The following TANGO2 variants were observed in gnomAD, a reference collection of about 807,000 sequenced individuals.
TANGO2 encodes the protein transport and Golgi organization protein 2 homolog.
A neutral mutation model predicts 39.1 loss-of-function variants in TANGO2; 26 were observed. That is an observed-to-expected ratio of 0.67 (90% confidence interval 0.49 to 0.92). The LOEUF (loss-of-function observed/expected upper bound fraction) is 0.92, where lower values mean the gene tolerates loss of function less well. Ranked by LOEUF, TANGO2 falls within the 40% of genes least tolerant of loss-of-function variation. TANGO2 has a pLI of 0.00. For synonymous variants in TANGO2, 131 were observed against 144.5 expected (o/e 0.91, Z 0.67); for missense variants, 326 against 360.1 (o/e 0.91, Z 0.77).
chr22:20,024,317 A>G (rs1417885759), intron 1 of TANGO2, among the ~76,000 whole-genome samples: 1 of 152,230 alleles, frequency 6.6e-6, no homozygotes, highest in Non-Finnish European at 1.5e-5. Context: ...AGTGGACTGG[A>G]GACTCAGAGG....
At position 20,057,450 on chromosome 22, in the gene TANGO2, GCTGGTGCCCTCTCCTCCAC is replaced by G. The variant is rs1274849204; in HGVS notation, c.451+1442_451+1460del. Among the ~76,000 whole-genome samples the G allele has an allele frequency of 6.6e-6, 1 of 152,192 alleles. No homozygotes were observed. The highest frequency in any genetic ancestry group is 1.9e-4 in the East Asian group (1 of 5,202). On this transcript the variant is annotated intron_variant, in intron 6 of 8. Transcript: ENST00000327374. The surrounding 1 kb of genome is among the most constrained non-coding windows in gnomAD (Gnocchi z 4.1). Reference sequence around the variant, plus strand: ...CCACCCACTGCCCCCACGCCTACCAGCTGGTGCCCTCTCCTCCACCTGGGGCTTATCCTTCCGGCCACCC... The same window carrying G: ...CCACCCACTGCCCCCACGCCTACCAGCTGGGGCTTATCCTTCCGGCCACCC...
chr22:20,053,845 C>G (rs1462213344), intron 5 of TANGO2: 2 of 453,536 alleles, frequency 4.4e-6, no homozygotes, highest in African/African-American at 3.9e-5. Flanking sequence ...TGTCCTCCCT[C>G]CCACGGGCAG....
intron 1 of TANGO2, among the ~76,000 whole-genome samples, chr22:20,029,112 G>A (rs972331890): frequency 6.6e-6 from 1 of 152,170 alleles, no homozygotes; most frequent in African/African-American, 2.4e-5. Flanking sequence ...TTTAGACACC[G>A]CATGGAGTGA....
chr22:20,045,188 C>T (rs1272709090), intron 3 of TANGO2, among the ~76,000 whole-genome samples: 1 of 151,700 alleles, frequency 6.6e-6, no homozygotes, highest in Non-Finnish European at 1.5e-5. Context: ...GTAATCTCAG[C>T]ACTTTGGGAG....
intron 3 of TANGO2, among the ~76,000 whole-genome samples, chr22:20,052,242 C>A (rs1006596012): frequency 2.6e-4 from 40 of 152,226 alleles, no homozygotes; most frequent in African/African-American, 9.2e-4. Flanking sequence ...TCCTGCAGGA[C>A]AGGGATCTCA....
chr22:20,064,639 T>C lies in TANGO2; in HGVS notation c.808T>C (p.Tyr270His). Reference sequence around the variant, plus strand: ...CCTCTCCCACTGGGAGACCAGAACCTATGAGTTCACACTGCAGAGCTAACC... The same window carrying C: ...CCTCTCCCACTGGGAGACCAGAACCCATGAGTTCACACTGCAGAGCTAACC... The part of the protein sequence containing the change: ...KDLSHWETRT[Y>H]EFTLQS The change falls in exon 9 of 9, where the codon TAT becomes CAT. Residue 270 changes from tyrosine (Y) to histidine (H), a missense_variant. Tyr to His is a moderately conservative substitution (Grantham distance 83, BLOSUM62 2). Coordinates refer to ENST00000327374, the MANE Select transcript of TANGO2 (RefSeq NM_152906.7). 1 of 1,614,086 alleles carries C rather than the reference T, an allele frequency of 6.2e-7. No individual in the cohort carries two copies.
In TANGO2 at chr22:20,057,868, G is replaced by A. The variant is rs1034602041; in HGVS notation, c.451+1855G>A. Among the ~76,000 whole-genome samples, 3 of 152,160 alleles carry A rather than the reference G, an allele frequency of 2.0e-5. No homozygotes were observed. The highest frequency in any genetic ancestry group is 7.2e-5 in the African/African-American group (3 of 41,438). On this transcript the variant is annotated intron_variant, in intron 6 of 8. Transcript: ENST00000327374. The surrounding 1 kb of genome is among the most constrained non-coding windows in gnomAD (Gnocchi z 4.1). ...TGAACATTGGCCCAGCGGCCTCTGG[G>A]GCAGTCGCTGTAACCATCCACGTGG...
At chr22:20,049,083 T>G (rs1254248710) in intron 3 of TANGO2, among the ~76,000 whole-genome samples, 1 of 152,218 alleles carries the variant, frequency 6.6e-6, no homozygotes, top group Non-Finnish European at 1.5e-5. Flanking sequence ...AGAAGCCTAA[T>G]TTTTGTTTTT....
chr22:20,025,453 T>C lies in TANGO2; in HGVS notation c.-40+4207T>C, dbSNP rs1381404004. Among the ~76,000 whole-genome samples, 3 of 152,080 alleles carry C rather than the reference T, an allele frequency of 2.0e-5. No homozygotes were observed. The East Asian group carries it at 5.9e-4, about 30-fold the overall frequency. On this transcript the variant is annotated intron_variant, in intron 1 of 8. Coordinates refer to ENST00000327374, the MANE Select transcript of TANGO2 (RefSeq NM_152906.7). ...CCCGCCGGGAAGCATGCTTACTGGG[T>C]GTGCACGCTTTCAGTGTCTGGCGTG...
At chr22:20,046,408 A>C (rs2147317687) in intron 3 of TANGO2, among the ~76,000 whole-genome samples, 1 of 151,876 alleles carries the variant, frequency 6.6e-6, no homozygotes, top group East Asian at 1.9e-4. Flanking sequence ...TTGGCCTCCG[A>C]AAGTGCTGGG....
upstream of TANGO2, among the ~76,000 whole-genome samples, chr22:20,018,662 G>C (rs2146570027): frequency 1.3e-5 from 2 of 152,334 alleles, no homozygotes; most frequent in Middle Eastern, 3.4e-3. Context: ...GCAGAGACCT[G>C]TCTGCCCTCG....
At chr22:20,052,307 G>A (rs2046496933) in intron 3 of TANGO2, among the ~76,000 whole-genome samples, 158 bp from the exon 4 acceptor site, 1 of 152,222 alleles carries the variant, frequency 6.6e-6, no homozygotes. Flanking sequence ...TTCCAGCCAC[G>A]ATTCCATAGC....
At position 20,050,863 on chromosome 22, in the gene TANGO2, C is replaced by A. The variant is rs796855487; in HGVS notation, c.146-1602C>A. Among the ~76,000 whole-genome samples, 767 of 132,820 alleles carry A rather than the reference C, an allele frequency of 5.8e-3. 9 individuals carry two copies. The highest frequency in any genetic ancestry group is 0.021 in the African/African-American group (735 of 34,972). The allele number at this position is 132,820 out of a possible 152,430, so 87.1% of individuals were successfully genotyped here. On this transcript the variant is annotated intron_variant, in intron 3 of 8. Coordinates refer to ENST00000327374, the MANE Select transcript of TANGO2 (RefSeq NM_152906.7). The stretch of plus-strand genomic sequence containing the variant: ...TTGGGTTTTTTTTTTTTTTTTGAGA[C>A]AGAGTTTCGCTGAGAGTGCAATGGT...
chr22:20,052,497 AC>A lies in TANGO2; in HGVS notation c.179del (p.Thr60AsnfsTer37). The A allele has an allele frequency of 6.2e-7, 1 of 1,607,108 alleles. No homozygotes were observed. On this transcript the variant is annotated frameshift_variant, in exon 4 of 9. Transcript: ENST00000327374. LOFTEE classifies it high-confidence loss of function. ...CATGGAGGAAGGCAAGGAAGGAGGC[AC>A]ATGGCTGGGCATCAGCACACGTGGC... is the stretch of plus-strand genomic sequence containing the variant. ...LDMEEGKEGG[T>X]WLGISTRGKL...
chr22:20,028,921 TGA>T (rs1269802069), intron 1 of TANGO2, among the ~76,000 whole-genome samples: 1 of 152,192 alleles, frequency 6.6e-6, no homozygotes, highest in Non-Finnish European at 1.5e-5. Context: ...TGGTGGGCAC[TGA>T]GAGCCAGGGA....
rs140175623 is a variant in TANGO2 at position 20,063,529 on chromosome 22, G to A, written c.710+87G>A. The A allele has an allele frequency of 2.2e-5, 26 of 1,189,906 alleles. No homozygotes were observed. In the East Asian group the frequency reaches 6.5e-4, roughly 30 times the overall value. 73.7% of individuals were successfully genotyped at this position (1,189,906 alleles called of 1,614,324 possible). A position where few individuals can be genotyped will look rare whatever the true frequency, so the allele number is the denominator to read the frequency against. On this transcript the variant is annotated intron_variant, in intron 8 of 8. Coordinates refer to ENST00000327374, the MANE Select transcript of TANGO2 (RefSeq NM_152906.7). ...CCGGCAAAGAAGCCAAGTGCCCATA[G>A]CCAGAGCCAGGCTTCTTCCTCGCCT...
chr22:20,049,988 C>T (rs1458568760), intron 3 of TANGO2, among the ~76,000 whole-genome samples: 9 of 152,130 alleles, frequency 5.9e-5, no homozygotes. Flanking sequence ...GCGGGCCGAT[C>T]ATGAGATCAG....
chr22:20,039,357 G>A (rs1280245874), intron 2 of TANGO2, among the ~76,000 whole-genome samples: 1 of 151,864 alleles, frequency 6.6e-6, no homozygotes, highest in South Asian at 2.1e-4. Context: ...AGCCGGGTGC[G>A]GTGGCTCACG....
At chr22:20,026,892 T>A (rs1246956335) in intron 1 of TANGO2, among the ~76,000 whole-genome samples, 1 of 152,194 alleles carries the variant, frequency 6.6e-6, no homozygotes, top group Non-Finnish European at 1.5e-5. Flanking sequence ...CACCCATGGA[T>A]GGAGCAATTC....
Sources: gnomAD v4.1 joint callset for allele counts (sites outside exome capture counted in the v4.1 genomes callset) on GRCh38, gnomAD v4.1.1 for gene constraint, Gnocchi (gnomAD v3.1) non-coding constraint, MANE v1.5 for transcripts, NCBI Gene and HGNC (gene_info 2026-07-23, HGNC 2026-07-21) for gene names.